IGSF11: variants seen among roughly 807,000 people sequenced by gnomAD.
The protein encoded by IGSF11 is CXADR like 1.
A neutral mutation model predicts 41.0 loss-of-function variants in IGSF11; 22 were observed. The ratio of observed to expected loss-of-function variants is 0.54; its 90% CI spans 0.38 to 0.77. The LOEUF is 0.77. Among genes scored for constraint, IGSF11 ranks in the 30% least tolerant of loss-of-function variants. The probability of loss-of-function intolerance (pLI) is 0.00; values close to 1 mark genes in which losing one functional copy is unlikely to be tolerated. For missense variants in IGSF11, 444 were observed against 530.8 expected, an observed-to-expected ratio of 0.84 and a Z score of 1.61; for synonymous variants, 219 against 201.3, an observed-to-expected ratio of 1.09 and a Z score of -0.74.
At chr3:119,084,363 G>T (rs1049100750) in intron 1 of IGSF11, among the ~76,000 whole-genome samples, 22 of 152,252 alleles carry the variant, frequency 1.4e-4, no homozygotes, top group African/African-American at 5.1e-4. Context: ...GAGTGAAGAG[G>T]ATGGAGGACA....
chr3:119,096,502 G>A (rs1365544882), intron 1 of IGSF11, among the ~76,000 whole-genome samples: 1 of 151,970 alleles, frequency 6.6e-6, no homozygotes. Flanking sequence ...ATGGAGAAAA[G>A]CAACTGAACT....
chr3:119,089,239 G>A (rs1357943962), intron 1 of IGSF11, among the ~76,000 whole-genome samples: 1 of 151,906 alleles, frequency 6.6e-6, no homozygotes, highest in Non-Finnish European at 1.5e-5. Context: ...CGACAATCAA[G>A]TAGGCTTTAT....
intron 1 of IGSF11, among the ~76,000 whole-genome samples, chr3:119,056,509 C>A (rs1941841147): frequency 6.6e-6 from 1 of 152,098 alleles, no homozygotes; most frequent in Non-Finnish European, 1.5e-5. Flanking sequence ...AAGTCCAGGA[C>A]CAGATGGATT....
At chr3:119,062,529 G>A (rs180901083) in intron 1 of IGSF11, among the ~76,000 whole-genome samples, 3 of 152,160 alleles carry the variant, frequency 2.0e-5, no homozygotes, top group Admixed American at 1.3e-4. Context: ...ATCAGATCAT[G>A]CAAAATACAT....
At chr3:119,055,226 A>G (rs1941780854) in intron 1 of IGSF11, among the ~76,000 whole-genome samples, 2 of 152,212 alleles carry the variant, frequency 1.3e-5, no homozygotes, top group South Asian at 2.1e-4. Context: ...AAAGATGGGG[A>G]AAAAACAGAA....
At chr3:118,926,797 A>C (rs1942354639) in intron 3 of IGSF11, among the ~76,000 whole-genome samples, 1 of 152,232 alleles carries the variant, frequency 6.6e-6, no homozygotes, top group Non-Finnish European at 1.5e-5. Flanking sequence ...TAATGTAGTG[A>C]ACATTTCACA....
chr3:118,999,333 C>G (rs1226046245), intron 1 of IGSF11, among the ~76,000 whole-genome samples: 1 of 152,038 alleles, frequency 6.6e-6, no homozygotes, highest in East Asian at 1.9e-4. Flanking sequence ...AAACATATTG[C>G]TCAATGACTA....
At chr3:119,028,890 T>C (rs1014407033) in intron 1 of IGSF11, among the ~76,000 whole-genome samples, 2 of 152,132 alleles carry the variant, frequency 1.3e-5, no homozygotes, top group Non-Finnish European at 2.9e-5. Context: ...CTGTGGATTG[T>C]ACCAACACCA....
At chr3:118,970,692 T>C (rs1403214924) in intron 1 of IGSF11, among the ~76,000 whole-genome samples, 1 of 148,792 alleles carries the variant, frequency 6.7e-6, no homozygotes, top group Non-Finnish European at 1.5e-5. Context: ...TTCTCAGTAA[T>C]ACACTCATTA....
chr3:119,017,882 A>AG (rs1343823407), intron 1 of IGSF11, among the ~76,000 whole-genome samples: 1 of 145,154 alleles, frequency 6.9e-6, no homozygotes, highest in African/African-American at 2.6e-5. Flanking sequence ...TCCTGGGTTC[A>AG]GGCGGTTCTC....
chr3:119,103,879 T>C (rs2076977466), intron 1 of IGSF11, among the ~76,000 whole-genome samples: 1 of 152,218 alleles, frequency 6.6e-6, no homozygotes, highest in South Asian at 2.1e-4. Context: ...GTTATACAGA[T>C]GCAAGCAGCA....
intron 1 of IGSF11, among the ~76,000 whole-genome samples, chr3:119,119,850 T>G (rs1173636552): frequency 6.6e-6 from 1 of 152,176 alleles, no homozygotes; most frequent in African/African-American, 2.4e-5. Flanking sequence ...ATCATGTTAG[T>G]TGGGGCAAAG....
intron 1 of IGSF11, chr3:119,105,128 A>T (rs777167384): frequency 6.4e-7 from 1 of 1,571,604 alleles, no homozygotes; most frequent in Admixed American, 1.7e-5. Context: ...AACTTTTCCA[A>T]TGTCAAGTCA....
chr3:118,925,735 C>T (rs1293458541), intron 4 of IGSF11, among the ~76,000 whole-genome samples: 1 of 152,122 alleles, frequency 6.6e-6, no homozygotes, highest in Non-Finnish European at 1.5e-5. Flanking sequence ...ACACTATGCT[C>T]ACGTTTCTCC....
chr3:119,132,629 T>A (rs2077501367), intron 1 of IGSF11, among the ~76,000 whole-genome samples: 1 of 152,090 alleles, frequency 6.6e-6, no homozygotes, highest in Non-Finnish European at 1.5e-5. Flanking sequence ...AATGGGAGAC[T>A]TTAACATCCC....
intron 1 of IGSF11, among the ~76,000 whole-genome samples, chr3:119,050,817 TA>T (rs1359951782): frequency 1.3e-4 from 19 of 151,900 alleles, no homozygotes; most frequent in Non-Finnish European, 2.4e-4. Context: ...TATGCAGCCA[TA>T]AAAAATGATG....
chr3:119,012,806 G>T (rs1358767682), intron 1 of IGSF11: 1 of 152,166 alleles, frequency 6.6e-6, no homozygotes, highest in Non-Finnish European at 1.5e-5. Flanking sequence ...AGCCTCAACT[G>T]ATCTCCTCCG....
At chr3:118,936,411 G>A (rs1291768419) in intron 1 of IGSF11, among the ~76,000 whole-genome samples, 1 of 151,846 alleles carries the variant, frequency 6.6e-6, no homozygotes, top group East Asian at 1.9e-4. Flanking sequence ...GGAGGCTGAG[G>A]CAGGAGAGTC....
At chr3:119,110,662 G>A (rs1161920581) in intron 1 of IGSF11, among the ~76,000 whole-genome samples, 1 of 152,210 alleles carries the variant, frequency 6.6e-6, no homozygotes, top group East Asian at 1.9e-4. Context: ...TTGCTCATTA[G>A]TTGATGCAGT....
Sources: gnomAD v4.1 joint callset for allele counts (sites outside exome capture counted in the v4.1 genomes callset) on GRCh38, gnomAD v4.1.1 for gene constraint, MANE v1.5 for transcripts, NCBI Gene and HGNC (gene_info 2026-07-23, HGNC 2026-07-21) for gene names.